The following CEP112 variants were observed in gnomAD, a reference collection of about 807,000 sequenced individuals.
The protein encoded by CEP112 is centrosomal protein 112.
A neutral mutation model predicts 153.0 loss-of-function variants in CEP112; 127 were observed. The ratio of observed to expected loss-of-function variants is 0.83; its 90% CI spans 0.72 to 0.96. The LOEUF (loss-of-function observed/expected upper bound fraction) is 0.96. Ranked by LOEUF, CEP112 falls within the 40% of genes least tolerant of loss-of-function variation. CEP112 has a pLI of 0.00. For synonymous variants in CEP112, 358 were observed against 374.4 expected (o/e 0.96, Z 0.51); for missense variants, 1,089 against 1,101.2 (o/e 0.99, Z 0.16).
At chr17:66,031,638 T>C (rs2065490200) in intron 12 of CEP112, among the ~76,000 whole-genome samples, 1 of 152,070 alleles carries the variant, frequency 6.6e-6, no homozygotes, top group Non-Finnish European at 1.5e-5. Context: ...TTTGTACCTT[T>C]TTTGGTAGCG....
intron 23 of CEP112, among the ~76,000 whole-genome samples, chr17:65,737,848 G>C (rs1038219654): frequency 6.6e-6 from 1 of 152,202 alleles, no homozygotes; most frequent in Non-Finnish European, 1.5e-5. Flanking sequence ...GAGAAAGAAA[G>C]ACTTCTTCAG....
In CEP112 at chr17:65,845,148, C is replaced by G. The variant is rs574618233; in HGVS notation, c.2394+6656G>C. 4.6e-5 allele frequency among the ~76,000 whole-genome samples: 7 copies of G among 152,092 alleles called. No individual in the cohort carries two copies. The South Asian group carries it at 1.2e-3, about 27-fold the overall frequency. ...CAGCCTGACCAACATGGAGAAACTG[C>G]GTCTGTACTAAAATATAAAATTAGC... On this transcript the variant is annotated intron_variant, in intron 21 of 26. Transcript: ENST00000535342.
At chr17:66,044,025 C>T (rs1021662638) in intron 12 of CEP112, among the ~76,000 whole-genome samples, 1 of 152,162 alleles carries the variant, frequency 6.6e-6, no homozygotes, top group African/African-American at 2.4e-5. Flanking sequence ...TGACAGACTC[C>T]GTCCATGTTT....
chr17:66,111,098 G>A (rs1426474514), intron 6 of CEP112, among the ~76,000 whole-genome samples: 3 of 151,768 alleles, frequency 2.0e-5, no homozygotes, highest in Non-Finnish European at 2.9e-5. Flanking sequence ...ACAAGCATAC[G>A]GAAAAAAAAG....
At chr17:65,911,410 C>G (rs1384866142) in intron 19 of CEP112, among the ~76,000 whole-genome samples, 1 of 152,168 alleles carries the variant, frequency 6.6e-6, no homozygotes, top group African/African-American at 2.4e-5. Flanking sequence ...AAGGAGTTAA[C>G]TAATGCCCTC....
At chr17:66,096,206 AAAAC>A in intron 8 of CEP112, 41 bp downstream of exon 8, 1 of 1,350,862 alleles carries the variant, frequency 7.4e-7, no homozygotes, top group Non-Finnish European at 1.0e-6. Flanking sequence ...ATAAAATATT[AAAAC>A]TGTATTATCA....
At chr17:65,920,359 CAA>C (rs1555713306) in intron 19 of CEP112, among the ~76,000 whole-genome samples, 1 of 29,838 alleles carries the variant, frequency 3.4e-5, no homozygotes, top group South Asian at 9.5e-4. Context: ...AACAAACAAA[CAA>C]AATATATATA....
At chr17:66,017,116 T>C (rs566756279) in intron 16 of CEP112, among the ~76,000 whole-genome samples, 1 of 152,368 alleles carries the variant, frequency 6.6e-6, no homozygotes, top group African/African-American at 2.4e-5. Context: ...CTCAAGGTTA[T>C]TGTGAACACC....
At chr17:65,740,998 A>G (rs965580822) in intron 23 of CEP112, among the ~76,000 whole-genome samples, 6 of 152,168 alleles carry the variant, frequency 3.9e-5, no homozygotes, top group East Asian at 1.9e-4. Flanking sequence ...GGGGTATGGT[A>G]TAATAGTTAA....
chr17:66,169,209 A>G (rs1173821922), intron 4 of CEP112, among the ~76,000 whole-genome samples: 1 of 152,152 alleles, frequency 6.6e-6, no homozygotes, highest in Non-Finnish European at 1.5e-5. Context: ...ATACAGGTTT[A>G]AGACATAGCT....
chr17:65,818,283 A>G (rs1598674826), intron 21 of CEP112, among the ~76,000 whole-genome samples: 1 of 151,914 alleles, frequency 6.6e-6, no homozygotes, highest in African/African-American at 2.4e-5. Context: ...CCTAACTACC[A>G]TGAAAAGAGT....
intron 23 of CEP112, among the ~76,000 whole-genome samples, chr17:65,734,403 A>AGT (rs2050682529): frequency 6.6e-6 from 1 of 152,206 alleles, no homozygotes; most frequent in Non-Finnish European, 1.5e-5. Flanking sequence ...TTCCACTCTT[A>AGT]CAAACTGACA....
intron 20 of CEP112, among the ~76,000 whole-genome samples, chr17:65,891,415 CAA>C (rs2059462071): frequency 6.6e-6 from 1 of 152,146 alleles, no homozygotes; most frequent in Admixed American, 6.5e-5. Flanking sequence ...AGCTTGGCAA[CAA>C]AAGACCTCTT....
chr17:65,838,609 C>T (rs2057405991), intron 21 of CEP112, among the ~76,000 whole-genome samples: 1 of 151,834 alleles, frequency 6.6e-6, no homozygotes, highest in Non-Finnish European at 1.5e-5. Flanking sequence ...AAAGGTAGAA[C>T]AAACCAAACC....
intron 24 of CEP112, among the ~76,000 whole-genome samples, chr17:65,649,786 T>A (rs945221146): frequency 4.6e-5 from 7 of 151,732 alleles, no homozygotes; most frequent in African/African-American, 1.7e-4. Flanking sequence ...TGGGGGCAGT[T>A]CAGCAGAGAA....
chr17:65,807,892 T>C (rs2055706559), intron 21 of CEP112, among the ~76,000 whole-genome samples: 2 of 152,060 alleles, frequency 1.3e-5, no homozygotes, highest in Admixed American at 1.3e-4. Context: ...CCATACAGAG[T>C]CCCCACTGGG....
intron 23 of CEP112, among the ~76,000 whole-genome samples, chr17:65,716,069 C>T (rs185352169): frequency 1.3e-5 from 2 of 152,132 alleles, no homozygotes; most frequent in East Asian, 1.9e-4. Context: ...TATACCAAAC[C>T]GAGCACTGGA....
intron 23 of CEP112, among the ~76,000 whole-genome samples, chr17:65,720,382 A>G (rs2049795703): frequency 6.6e-6 from 1 of 152,184 alleles, no homozygotes; most frequent in African/African-American, 2.4e-5. Context: ...GAGCCTAGTA[A>G]GAAAAGGAAG....
intron 24 of CEP112, among the ~76,000 whole-genome samples, chr17:65,644,872 A>G (rs985641364): frequency 1.3e-5 from 2 of 152,102 alleles, no homozygotes; most frequent in Non-Finnish European, 2.9e-5. Context: ...CTGGCATTAC[A>G]TATTGCCATG....
Sources: allele counts gnomAD v4.1 joint callset (sites outside exome capture counted in the v4.1 genomes callset), GRCh38; gene constraint gnomAD v4.1.1; transcripts MANE v1.5; gene names NCBI Gene and HGNC (gene_info 2026-07-23, HGNC 2026-07-21).